The following AR variants were observed in gnomAD, a reference collection of about 807,000 sequenced individuals.
The protein encoded by AR is androgen receptor, also known as dihydrotestosterone receptor.
Under a neutral mutation model 53.9 loss-of-function variants are expected in AR, and 8 were observed. The observed-to-expected ratio is 0.15, with a 90% CI of 0.09 to 0.27. The LOEUF (loss-of-function observed/expected upper bound fraction) is 0.27, where lower values mean the gene tolerates loss of function less well. AR is among the 10% of genes least tolerant of loss of function. The probability of loss-of-function intolerance (pLI) is 1.00; values close to 1 mark genes in which losing one functional copy is unlikely to be tolerated. For synonymous variants in AR, 359 were observed against 316.4 expected, an observed-to-expected ratio of 1.13 and a Z score of -1.43; for missense variants, 639 against 742.5, an observed-to-expected ratio of 0.86 and a Z score of 1.62.
chrX:67,657,777 G>C (rs1926659733), intron 2 of AR, among the ~76,000 whole-genome samples: 1 of 111,711 alleles, frequency 9.0e-6, no homozygotes, highest in African/African-American at 3.3e-5. Context: ...ATAATTTATA[G>C]AGTCACTGTT....
At chrX:67,660,035 T>A (rs1926802192) in intron 2 of AR, among the ~76,000 whole-genome samples, 1 of 112,276 alleles carries the variant, frequency 8.9e-6, no homozygotes, top group Admixed American at 9.4e-5. Flanking sequence ...TCTGTTCATA[T>A]CCTTTGCCCA....
intron 1 of AR, among the ~76,000 whole-genome samples, chrX:67,620,946 A>G (rs1411586563): frequency 8.9e-6 from 1 of 112,023 alleles, no homozygotes; most frequent in African/African-American, 3.2e-5. Flanking sequence ...TGGGTGAGAT[A>G]CATTTTGGTG....
At chrX:67,584,086 G>A (rs772061881) in intron 1 of AR, among the ~76,000 whole-genome samples, 12 of 112,252 alleles carry the variant, frequency 1.1e-4, no homozygotes, top group Admixed American at 1.0e-3. Context: ...ATGAATAGTT[G>A]CTGGATGTTC....
At chrX:67,659,652 A>C (rs1167393981) in intron 2 of AR, among the ~76,000 whole-genome samples, 1 of 111,848 alleles carries the variant, frequency 8.9e-6, no homozygotes, top group Non-Finnish European at 1.9e-5. Context: ...AGGCTTTGCT[A>C]TTGTGAATAG....
intron 1 of AR, among the ~76,000 whole-genome samples, chrX:67,565,044 C>T (rs903677614): frequency 9.0e-6 from 1 of 111,504 alleles, no homozygotes; most frequent in East Asian, 2.8e-4. Context: ...CCGCCATTTT[C>T]CTTCATCTAC....
chrX:67,690,063 T>G (rs901874830), intron 3 of AR, among the ~76,000 whole-genome samples: 1 of 111,743 alleles, frequency 8.9e-6, no homozygotes, highest in Non-Finnish European at 1.9e-5. Flanking sequence ...CCCTGTTGAT[T>G]CCTTCCTCTC....
At position 67,546,298 on chromosome X, in the gene AR, C is replaced by A. The variant is rs751260108; in HGVS notation, c.1152C>A (p.His384Gln). 8.3e-7 allele frequency: 1 copy of A among 1,202,810 alleles called. No individual in the cohort carries two copies. The highest frequency in any genetic ancestry group is 3.0e-5 in the East Asian group (1 of 33,441). Reference protein sequence around the residue: ...PPPPPPPPHPHARIKLENPLD... With the variant: ...PPPPPPPPHPQARIKLENPLD... ...CCCCTCCGCCGCCTCCCCATCCCCA[C>A]GCTCGCATCAAGCTGGAGAACCCGC... is the stretch of plus-strand genomic sequence containing the variant. Residue 384 changes from histidine (H) to glutamine (Q), a missense_variant, in exon 1 of 8, where the codon CAC (histidine) becomes CAA (glutamine). By Grantham distance (24) the His-to-Gln change is conservative (BLOSUM62 0). This residue lies in a region of AR where 423 missense variants were observed against 377.0 expected (regional missense o/e 1.12). Coordinates refer to ENST00000374690, the MANE Select transcript of AR (RefSeq NM_000044.6).
rs779650915 is a variant in AR at position 67,591,030 on chromosome X, C to A, written c.1616+44268C>A. On this transcript the variant is annotated intron_variant, in intron 1 of 7. Coordinates refer to ENST00000374690, the MANE Select transcript of AR (RefSeq NM_000044.6). ...TCAGGATTCTTCTTCCACTTCTGCA[C>A]TTTATATTGGGTTTCTTCCAGGCAT... is the stretch of plus-strand genomic sequence containing the variant. Among the ~76,000 whole-genome samples, 34 of 111,906 alleles carry A rather than the reference C, an allele frequency of 3.0e-4. 1 individual carries two copies. The highest frequency in any genetic ancestry group is 5.6e-4 in the Non-Finnish European group (30 of 53,234).
chrX:67,657,634 A>G (rs758155607), intron 2 of AR, among the ~76,000 whole-genome samples: 1 of 112,261 alleles, frequency 8.9e-6, no homozygotes, highest in African/African-American at 3.2e-5. Flanking sequence ...ATTCTTAAGT[A>G]TGTGAAAACA....
At chrX:67,549,150 T>C (rs748707353) in intron 1 of AR, among the ~76,000 whole-genome samples, 2 of 112,554 alleles carry the variant, frequency 1.8e-5, no homozygotes, top group African/African-American at 3.2e-5. Context: ...TTTTCTTACT[T>C]TCTCTTTTTT....
rs1435198102 is a variant in AR, at chrX:67,544,427, C to T, written c.-720C>T. On this transcript the variant is annotated 5_prime_UTR_variant, in exon 1 of 8. Coordinates refer to ENST00000374690, the MANE Select transcript of AR (RefSeq NM_000044.6). ...CTCAGTCGGCTACTCTCAGCCAACCCCCCTCACCACCCTTCTCCCCACCCG... is the reference window on the plus strand; with the variant it reads ...CTCAGTCGGCTACTCTCAGCCAACCTCCCTCACCACCCTTCTCCCCACCCG... 2 of 126,925 alleles carry T rather than the reference C, an allele frequency of 1.6e-5. No individual in the cohort carries two copies. Among genetic ancestry groups the T allele is most frequent in the Non-Finnish European group, 3.0e-5 (2 of 67,365 alleles). The allele number at this position is 126,925 out of a possible 1,213,427, so 10.5% of individuals were successfully genotyped here.
At chrX:67,604,198 A>ATATGTG (rs1923514193) in intron 1 of AR, among the ~76,000 whole-genome samples, 1 of 78,152 alleles carries the variant, frequency 1.3e-5, no homozygotes, top group Non-Finnish European at 2.4e-5. Context: ...GGGGAGAAAT[A>ATATGTG]TGTGTGTGTG....
intron 1 of AR, among the ~76,000 whole-genome samples, chrX:67,619,775 T>C (rs976708308): frequency 9.0e-6 from 1 of 111,392 alleles, no homozygotes; most frequent in Non-Finnish European, 1.9e-5. Context: ...ATTATTGTGC[T>C]ATATGTTGTG....
intron 2 of AR, among the ~76,000 whole-genome samples, chrX:67,653,294 A>T (rs1168393031): frequency 1.8e-5 from 2 of 112,412 alleles, no homozygotes; most frequent in Non-Finnish European, 3.8e-5. Flanking sequence ...TCATACAAAT[A>T]GTCAGTGGCT....
At chrX:67,639,746 C>T (rs1248341263) in intron 1 of AR, among the ~76,000 whole-genome samples, 2 of 111,827 alleles carry the variant, frequency 1.8e-5, no homozygotes, top group African/African-American at 6.5e-5. Context: ...TCTGAATATA[C>T]ATTCATGTCA....
chrX:67,630,485 T>G (rs1470533814), intron 1 of AR, among the ~76,000 whole-genome samples: 1 of 111,163 alleles, frequency 9.0e-6, no homozygotes, highest in Non-Finnish European at 1.9e-5. Flanking sequence ...TGTTTTCCAT[T>G]TGCTTGGTAG....
intron 1 of AR, among the ~76,000 whole-genome samples, chrX:67,557,122 G>A (rs1161534883): frequency 9.1e-6 from 1 of 109,524 alleles, no homozygotes; most frequent in African/African-American, 3.3e-5. Context: ...TACTGTATGT[G>A]GGGGGAAGAG....
intron 3 of AR, among the ~76,000 whole-genome samples, chrX:67,709,218 G>C (rs1192005075): frequency 2.7e-5 from 3 of 112,133 alleles, no homozygotes; most frequent in Non-Finnish European, 5.6e-5. Context: ...CTTTTGTTCG[G>C]CTATGCCCTG....
Position 67,612,672 on chromosome X carries a change from C to G in AR, c.1617-30584C>G, listed in dbSNP as rs1419335292. Among the ~76,000 whole-genome samples the G allele has an allele frequency of 4.5e-5, 5 of 112,114 alleles. No homozygotes were observed. The Admixed American group carries it at 4.7e-4, about 11-fold the overall frequency. On this transcript the variant is annotated intron_variant, in intron 1 of 7. Coordinates refer to ENST00000374690, the MANE Select transcript of AR (RefSeq NM_000044.6). The stretch of plus-strand genomic sequence containing the variant: ...TGGACCCTCTACTCAGTGAAACAAC[C>G]GTTTAACTAGTAAAAATGATCAATC...
Sources: allele counts gnomAD v4.1 joint callset (sites outside exome capture counted in the v4.1 genomes callset), GRCh38; gene constraint gnomAD v4.1.1; regional missense constraint gnomAD v4.1.1; transcripts MANE v1.5; gene names NCBI Gene and HGNC (gene_info 2026-07-23, HGNC 2026-07-21).